Variants in AGBL4 observed in about 807,000 individuals in gnomAD.
The protein encoded by AGBL4 is AGBL carboxypeptidase 4.
A neutral mutation model predicts 66.4 loss-of-function variants in AGBL4; 58 were observed. The observed-to-expected ratio is 0.87, with a 90% CI of 0.71 to 1.09. The LOEUF (loss-of-function observed/expected upper bound fraction) is 1.09. AGBL4 is among the 50% of genes least tolerant of loss of function. The probability of loss-of-function intolerance (pLI) is 0.00; values close to 1 mark genes in which losing one functional copy is unlikely to be tolerated. For synonymous variants in AGBL4, 234 were observed against 222.9 expected, an observed-to-expected ratio of 1.05 and a Z score of -0.44; for missense variants, 579 against 631.0, an observed-to-expected ratio of 0.92 and a Z score of 0.88.
chr1:49,931,239 G>T (rs1653319277), intron 1 of AGBL4, among the ~76,000 whole-genome samples: 1 of 151,836 alleles, frequency 6.6e-6, no homozygotes, highest in Non-Finnish European at 1.5e-5. Context: ...ATATTACTGA[G>T]AAAAAAATAA....
chr1:49,142,221 T>G (rs1472141997), intron 4 of AGBL4, among the ~76,000 whole-genome samples: 1 of 152,156 alleles, frequency 6.6e-6, no homozygotes, highest in Non-Finnish European at 1.5e-5. Flanking sequence ...TTCTGGTCCA[T>G]GGAAAAATTG....
intron 3 of AGBL4, among the ~76,000 whole-genome samples, chr1:49,259,020 T>G (rs367931010): frequency 1.1e-4 from 16 of 151,702 alleles, no homozygotes; most frequent in South Asian, 6.2e-4. Context: ...TTAAAGAAAA[T>G]AATTTTCAAC....
intron 3 of AGBL4, among the ~76,000 whole-genome samples, chr1:49,469,146 G>A (rs1307819322): frequency 6.6e-6 from 1 of 151,772 alleles, no homozygotes; most frequent in African/African-American, 2.4e-5. Context: ...TGATGTGACT[G>A]TTGTTAGTAT....
intron 2 of AGBL4, among the ~76,000 whole-genome samples, chr1:49,826,449 G>T (rs1368432013): frequency 1.3e-5 from 2 of 152,108 alleles, no homozygotes; most frequent in African/African-American, 4.8e-5. Context: ...AGACTAAGAT[G>T]AAGGCATTGA....
intron 6 of AGBL4, among the ~76,000 whole-genome samples, chr1:48,664,996 A>G (rs1646163637): frequency 6.6e-6 from 1 of 152,200 alleles, no homozygotes; most frequent in Non-Finnish European, 1.5e-5. Context: ...TGCTATTCTG[A>G]ACGTGGTTCT....
chr1:49,433,630 A>T (rs1309618792), intron 3 of AGBL4, among the ~76,000 whole-genome samples: 2 of 152,316 alleles, frequency 1.3e-5, no homozygotes, highest in Admixed American at 6.5e-5. Context: ...GTTAGATTCT[A>T]TGGGTATTGG....
chr1:49,676,428 A>C (rs1646580270), intron 3 of AGBL4, among the ~76,000 whole-genome samples: 1 of 152,158 alleles, frequency 6.6e-6, no homozygotes, highest in Admixed American at 6.6e-5. Flanking sequence ...TCTAAATACA[A>C]CCCAAGTATT....
intron 5 of AGBL4, among the ~76,000 whole-genome samples, chr1:48,881,753 T>C (rs1353976815): frequency 2.0e-5 from 3 of 152,156 alleles, no homozygotes; most frequent in Non-Finnish European, 2.9e-5. Context: ...AAGACACTGA[T>C]TGGGCCACCG....
Position 49,717,765 on chromosome 1 carries a change from CTAGA to C in AGBL4, c.158-20332_158-20329del, listed in dbSNP as rs573587530. 9.2e-5 allele frequency among the ~76,000 whole-genome samples: 14 copies of C among 152,106 alleles called. No individual in the cohort carries two copies. In the East Asian group the frequency reaches 2.7e-3, roughly 29 times the overall value. On this transcript the variant is annotated intron_variant, in intron 2 of 13. Transcript: ENST00000371839. ...GCACCTGTAGTAGTGTCTGGCCTAA[CTAGA>C]TATTCAATAAATCTCTGTTGAGCAA... is the stretch of plus-strand genomic sequence containing the variant.
intron 4 of AGBL4, among the ~76,000 whole-genome samples, chr1:49,133,188 T>C (rs1445857718): frequency 6.6e-6 from 1 of 152,062 alleles, no homozygotes; most frequent in African/African-American, 2.4e-5. Flanking sequence ...AGTTGAACAA[T>C]GATAACACAT....
At chr1:48,545,667 C>G (rs921843915) in intron 11 of AGBL4, among the ~76,000 whole-genome samples, 6 of 152,014 alleles carry the variant, frequency 3.9e-5, no homozygotes. Flanking sequence ...ATCTGTTTCT[C>G]AAAAATGGCA....
At chr1:49,134,446 A>G (rs904810960) in intron 4 of AGBL4, among the ~76,000 whole-genome samples, 8 of 149,836 alleles carry the variant, frequency 5.3e-5, no homozygotes, top group African/African-American at 1.7e-4. Context: ...TGCATAAGGC[A>G]GACACTCCCA....
intron 1 of AGBL4, among the ~76,000 whole-genome samples, chr1:49,928,740 A>G (rs1653039530): frequency 6.6e-6 from 1 of 152,130 alleles, no homozygotes; most frequent in African/African-American, 2.4e-5. Context: ...GCTTAAAACC[A>G]CTGATATAAA....
At chr1:49,783,932 T>C (rs1430725257) in intron 2 of AGBL4, among the ~76,000 whole-genome samples, 1 of 152,112 alleles carries the variant, frequency 6.6e-6, no homozygotes, top group Non-Finnish European at 1.5e-5. Context: ...GGAATAAATT[T>C]AACAAAATAA....
chr1:49,028,580 G>T (rs1438292596), intron 5 of AGBL4, among the ~76,000 whole-genome samples: 1 of 152,148 alleles, frequency 6.6e-6, no homozygotes, highest in East Asian at 1.9e-4. Context: ...CAAGAGAAAA[G>T]TGATTCATCA....
At chr1:48,699,809 C>T (rs1373388900) in intron 6 of AGBL4, among the ~76,000 whole-genome samples, 1 of 152,104 alleles carries the variant, frequency 6.6e-6, no homozygotes, top group African/African-American at 2.4e-5. Flanking sequence ...TGGTTTTTCT[C>T]ATTTTCCAAA....
Position 48,960,664 on chromosome 1 carries a change from T to C in AGBL4, c.594+84920A>G, listed in dbSNP as rs374161000. 3.3e-5 allele frequency among the ~76,000 whole-genome samples: 5 copies of C among 152,168 alleles called. No homozygotes were observed. The East Asian group carries it at 5.8e-4, about 18-fold the overall frequency. On this transcript the variant is annotated intron_variant, in intron 5 of 13. Coordinates refer to ENST00000371839, the MANE Select transcript of AGBL4 (RefSeq NM_032785.4). ...AAAGAGTGCAATTTGAAAGTATGAA[T>C]GGTCAGTTGTGTTAAAAGCTTCTGG...
intron 7 of AGBL4, among the ~76,000 whole-genome samples, chr1:48,656,114 T>C (rs1413963941): frequency 2.0e-5 from 3 of 152,166 alleles, no homozygotes; most frequent in Non-Finnish European, 4.4e-5. Context: ...AAAAGCAGGA[T>C]GACAGGAAGG....
intron 3 of AGBL4, among the ~76,000 whole-genome samples, chr1:49,557,579 C>T (rs1343166569): frequency 6.6e-6 from 1 of 152,114 alleles, no homozygotes; most frequent in African/African-American, 2.4e-5. Flanking sequence ...GGAGGGAGAA[C>T]TTCACCCAGC....
Sources: gnomAD v4.1 joint callset for allele counts (sites outside exome capture counted in the v4.1 genomes callset) on GRCh38, gnomAD v4.1.1 for gene constraint, MANE v1.5 for transcripts, NCBI Gene and HGNC (gene_info 2026-07-23, HGNC 2026-07-21) for gene names.